The following CALCR variants were observed in gnomAD, a reference collection of about 807,000 sequenced individuals.
The protein encoded by CALCR is calcitonin receptor.
CALCR carries 47 observed loss-of-function variants against 59.5 expected under a neutral mutation model. The ratio of observed to expected loss-of-function variants is 0.79; its 90% confidence interval spans 0.63 to 1.01. The LOEUF is 1.01. Among genes scored for constraint, CALCR ranks in the 50% least tolerant of loss-of-function variants. CALCR has a pLI of 0.00. For missense variants in CALCR, 566 were observed against 597.1 expected, an observed-to-expected ratio of 0.95 and a Z score of 0.54; for synonymous variants, 213 against 211.3, an observed-to-expected ratio of 1.01 and a Z score of -0.07.
At chr7:93,488,454 A>C (rs1800996646) in intron 2 of CALCR, among the ~76,000 whole-genome samples, 1 of 151,710 alleles carries the variant, frequency 6.6e-6, no homozygotes, top group Non-Finnish European at 1.5e-5. Flanking sequence ...TAAAAGACAC[A>C]GACTGGCAAA....
intron 2 of CALCR, among the ~76,000 whole-genome samples, chr7:93,551,601 G>A (rs1385422552): frequency 6.6e-6 from 1 of 152,104 alleles, no homozygotes; most frequent in East Asian, 1.9e-4. Context: ...GAGGAATTTG[G>A]TAAAATCTTG....
intron 8 of CALCR, among the ~76,000 whole-genome samples, chr7:93,453,978 C>T: frequency 6.6e-6 from 1 of 152,164 alleles, no homozygotes; most frequent in East Asian, 1.9e-4. Flanking sequence ...CACATCTTGG[C>T]ATTACTGTCT....
chr7:93,569,428 G>A (rs1789950077), intron 2 of CALCR, among the ~76,000 whole-genome samples: 1 of 152,104 alleles, frequency 6.6e-6, no homozygotes, highest in Non-Finnish European at 1.5e-5. Flanking sequence ...ACAATCTGGT[G>A]TCCTGCCTGT....
intron 2 of CALCR, among the ~76,000 whole-genome samples, chr7:93,502,309 A>G (rs1801334916): frequency 6.6e-6 from 1 of 152,162 alleles, no homozygotes; most frequent in Non-Finnish European, 1.5e-5. Context: ...CTTGATTAAG[A>G]TCTCACAGTC....
intron 13 of CALCR, among the ~76,000 whole-genome samples, chr7:93,428,431 C>A (rs1387360516): frequency 6.6e-6 from 1 of 152,182 alleles, no homozygotes; most frequent in Non-Finnish European, 1.5e-5. Flanking sequence ...AATCTAGGAA[C>A]CATCAAATGC....
intron 2 of CALCR, among the ~76,000 whole-genome samples, chr7:93,568,468 T>C (rs1313921738): frequency 6.7e-6 from 1 of 150,322 alleles, no homozygotes; most frequent in Non-Finnish European, 1.5e-5. Flanking sequence ...ACATCCCGCA[T>C]GAGTGCTCGC....
chr7:93,460,220 C>G (rs917427078), intron 8 of CALCR, among the ~76,000 whole-genome samples: 4 of 151,944 alleles, frequency 2.6e-5, no homozygotes, highest in African/African-American at 9.7e-5. Flanking sequence ...GTGCTCAATA[C>G]ATTTGTCATA....
At chr7:93,484,323 T>C (rs1198401047) in intron 3 of CALCR, among the ~76,000 whole-genome samples, 1 of 151,828 alleles carries the variant, frequency 6.6e-6, no homozygotes, top group African/African-American at 2.4e-5. Flanking sequence ...GTTACAGAGC[T>C]GTTCTTCATG....
chr7:93,565,310 T>C (rs1014164144), intron 2 of CALCR, among the ~76,000 whole-genome samples: 2 of 152,248 alleles, frequency 1.3e-5, no homozygotes, highest in Admixed American at 6.5e-5. Flanking sequence ...CAAGAAGATA[T>C]ATAGCATTAC....
intron 2 of CALCR, among the ~76,000 whole-genome samples, chr7:93,496,204 T>G (rs1014373490): frequency 6.6e-6 from 1 of 151,488 alleles, no homozygotes; most frequent in African/African-American, 2.4e-5. Context: ...CAGCATAAAA[T>G]AAAGTTTCCA....
At chr7:93,487,094 C>T in intron 2 of CALCR, 87 bp from the exon 3 acceptor site, 5 of 708,428 alleles carry the variant, frequency 7.1e-6, no homozygotes, top group Non-Finnish European at 1.2e-5. Flanking sequence ...TTCTATTTGA[C>T]TTAAAGAGGA....
intron 2 of CALCR, among the ~76,000 whole-genome samples, chr7:93,514,318 A>G (rs763785034): frequency 6.6e-6 from 1 of 152,078 alleles, no homozygotes; most frequent in Non-Finnish European, 1.5e-5. Context: ...TTTAAATCTG[A>G]GGTTGGCCAC....
At chr7:93,470,999 C>T (rs1800540634) in intron 6 of CALCR, among the ~76,000 whole-genome samples, 1 of 148,182 alleles carries the variant, frequency 6.7e-6, no homozygotes, top group Non-Finnish European at 1.5e-5. Context: ...TTGTTCAATT[C>T]CCACCTATGA....
intron 4 of CALCR, 41 bp downstream of exon 4, chr7:93,479,313 T>C (rs1800739547): frequency 6.5e-7 from 1 of 1,532,672 alleles, no homozygotes; most frequent in Non-Finnish European, 8.8e-7. Flanking sequence ...ATGTCTGTAA[T>C]GGTGTTTCAA....
intron 2 of CALCR, among the ~76,000 whole-genome samples, chr7:93,532,840 A>AAAAAAAAC: frequency 2.6e-5 from 1 of 38,130 alleles, no homozygotes; most frequent in African/African-American, 9.1e-5. Flanking sequence ...GTCCAAAGCA[A>AAAAAAAAC]AAAAAAAAAA....
rs557674300 is a variant in CALCR at position 93,514,030 on chromosome 7, C to A, written c.-26-27023G>T. 9.2e-5 allele frequency among the ~76,000 whole-genome samples: 14 copies of A among 152,042 alleles called. No individual in the cohort carries two copies. The South Asian group carries it at 2.9e-3, about 32-fold the overall frequency. ...ATAAGGAAACATAGAGGGTGACATTCTATATTTGAATCAATCATTAGAACT... is the reference window on the plus strand; with the variant it reads ...ATAAGGAAACATAGAGGGTGACATTATATATTTGAATCAATCATTAGAACT... On this transcript the variant is annotated intron_variant, in intron 2 of 13. Transcript: ENST00000426151.
intron 2 of CALCR, among the ~76,000 whole-genome samples, chr7:93,503,834 C>A (rs757924621): frequency 3.3e-5 from 5 of 152,018 alleles, no homozygotes; most frequent in Non-Finnish European, 5.9e-5. Context: ...AAGGAACAAC[C>A]CTCAAATTAA....
At chr7:93,486,877 TC>T in intron 3 of CALCR, 53 bp downstream of exon 3, 1 of 1,073,946 alleles carries the variant, frequency 9.3e-7, no homozygotes, top group South Asian at 1.3e-5. Flanking sequence ...AAAACATTCC[TC>T]CTTATTCAGC....
chr7:93,449,998 CTT>C (rs2115756467), intron 8 of CALCR, among the ~76,000 whole-genome samples: 1 of 152,140 alleles, frequency 6.6e-6, no homozygotes, highest in Admixed American at 6.5e-5. Flanking sequence ...GCGTATGTGC[CTT>C]TGGGTATAGG....
Sources: gnomAD v4.1 joint callset for allele counts (sites outside exome capture counted in the v4.1 genomes callset) on GRCh38, gnomAD v4.1.1 for gene constraint, MANE v1.5 for transcripts, NCBI Gene and HGNC (gene_info 2026-07-23, HGNC 2026-07-21) for gene names.